The following C8orf74 variants were observed in gnomAD, a reference collection of about 807,000 sequenced individuals.
C8orf74 encodes the protein chromosome 8 open reading frame 74.
A neutral mutation model predicts 22.2 loss-of-function variants in C8orf74; 29 were observed. The observed-to-expected ratio is 1.31, with a 90% CI of 0.97 to 1.78. The LOEUF is 1.78. C8orf74 is among the 40% of genes most tolerant of loss of function. C8orf74 has a pLI of 0.00. For missense variants in C8orf74, 515 were observed against 369.9 expected (o/e 1.39, Z -3.22); for synonymous variants, 255 against 163.1 (o/e 1.56, Z -4.30).
intron 2 of C8orf74, among the ~76,000 whole-genome samples, chr8:10,681,810 G>A (rs889445816): frequency 1.3e-5 from 2 of 152,212 alleles, no homozygotes; most frequent in African/African-American, 2.4e-5. Flanking sequence ...ACTTGTGACC[G>A]GTCAGTGGAG....
Position 10,697,628 on chromosome 8 carries a change from C to G in C8orf74, c.271C>G (p.Leu91Val). 1 of 1,613,970 alleles carries G rather than the reference C, an allele frequency of 6.2e-7. No individual in the cohort carries two copies. Among genetic ancestry groups the G allele is most frequent in the African/African-American group, 1.3e-5 (1 of 75,038 alleles). Residue 91 changes from leucine (L) to valine (V), a missense_variant, in exon 3 of 4, where the codon CTG (leucine) becomes GTG (valine). Transcript: ENST00000304519. Reference sequence around the variant, plus strand: ...CTCCATTACTGAGGCTGTGACGATCCTGGGGAACAAGCTTAGAGATTACCG... The same window carrying G: ...CTCCATTACTGAGGCTGTGACGATCGTGGGGAACAAGCTTAGAGATTACCG... ...GCSITEAVTILGNKLRDYRGH... is the reference protein window; with the variant it reads ...GCSITEAVTIVGNKLRDYRGH...
intron 2 of C8orf74, among the ~76,000 whole-genome samples, chr8:10,677,202 C>G (rs886779968): frequency 6.6e-6 from 1 of 152,116 alleles, no homozygotes; most frequent in Non-Finnish European, 1.5e-5. Flanking sequence ...CTTACATGAC[C>G]ACACTCATCA....
At chr8:10,677,844 A>T (rs1342096379) in intron 2 of C8orf74, among the ~76,000 whole-genome samples, 1 of 152,186 alleles carries the variant, frequency 6.6e-6, no homozygotes, top group African/African-American at 2.4e-5. Context: ...GATTGGCATC[A>T]GGCTGGCAGT....
chr8:10,674,738 C>G lies in C8orf74; in HGVS notation c.141C>G (p.Thr47=). The G allele has an allele frequency of 6.2e-7, 1 of 1,607,446 alleles. No homozygotes were observed. Residue 47 remains threonine (T), a synonymous_variant, in exon 2 of 4, where the codon ACC becomes ACG. Coordinates refer to ENST00000304519, the MANE Select transcript of C8orf74 (RefSeq NM_001040032.2). ...CCCGGAGGAGCATCCTGCTGGACAC[C>G]CTCTACGAGAGCATCATCTTTGCAG... is the stretch of plus-strand genomic sequence containing the variant. ...RDSRRSILLD[T]LYESIIFAVG... is the part of the protein sequence containing the mutation.
intron 2 of C8orf74, among the ~76,000 whole-genome samples, chr8:10,694,769 A>G (rs1047823786): frequency 3.9e-5 from 6 of 152,240 alleles, no homozygotes; most frequent in Non-Finnish European, 7.3e-5. Context: ...AATGAATGGA[A>G]GGATGGGTGA....
intron 2 of C8orf74, among the ~76,000 whole-genome samples, chr8:10,690,535 T>G (rs182693749): frequency 1.3e-3 from 192 of 152,254 alleles, no homozygotes; most frequent in African/African-American, 4.3e-3. Flanking sequence ...AGGTGAGCAG[T>G]GCCACGCTGT....
At chr8:10,679,046 G>C (rs1196944284) in intron 2 of C8orf74, among the ~76,000 whole-genome samples, 1 of 152,206 alleles carries the variant, frequency 6.6e-6, no homozygotes, top group Non-Finnish European at 1.5e-5. Context: ...TCCAGGCCCA[G>C]GCTGAGCCCT....
Position 10,697,945 on chromosome 8 carries a change from G to A in C8orf74, c.588G>A (p.Ser196=), listed in dbSNP as rs1441537075. 1.3e-6 allele frequency: 2 copies of A among 1,568,376 alleles called. No homozygotes were observed. Among genetic ancestry groups the A allele is most frequent in the Non-Finnish European group, 1.7e-6 (2 of 1,158,612 alleles). ...CGCTGCGCCTGGAGCGGGAGAACTCGCTGCAGAAGGCGTTCGCTGCCGCCG... is the reference window on the plus strand; with the variant it reads ...CGCTGCGCCTGGAGCGGGAGAACTCACTGCAGAAGGCGTTCGCTGCCGCCG... The part of the protein sequence containing the change: ...KEALRLEREN[S]LQKAFAAAAP... Residue 196 remains serine (S), a synonymous_variant, in exon 3 of 4, where the codon TCG becomes TCA. Coordinates refer to ENST00000304519, the MANE Select transcript of C8orf74 (RefSeq NM_001040032.2).
At chr8:10,676,546 C>A (rs950806485) in intron 2 of C8orf74, among the ~76,000 whole-genome samples, 1 of 152,244 alleles carries the variant, frequency 6.6e-6, no homozygotes, top group Non-Finnish European at 1.5e-5. Context: ...CAGCCTTAGG[C>A]ACACCTGGGT....
At chr8:10,690,733 G>C (rs913603640) in intron 2 of C8orf74, 2 of 378,350 alleles carry the variant, frequency 5.3e-6, no homozygotes, top group African/African-American at 4.2e-5. Context: ...GCCCAAGGAA[G>C]CCACCGGAGC....
At chr8:10,686,880 C>A (rs889130823) in intron 2 of C8orf74, among the ~76,000 whole-genome samples, 1 of 152,186 alleles carries the variant, frequency 6.6e-6, no homozygotes, top group Non-Finnish European at 1.5e-5. Flanking sequence ...CAGCCCACTC[C>A]CAGCTGTCCT....
chr8:10,700,217 C>A lies in C8orf74; in HGVS notation c.649-18C>A, dbSNP rs370382914. 16 of 1,556,350 alleles carry A rather than the reference C, an allele frequency of 1.0e-5. No homozygotes were observed. The highest frequency in any genetic ancestry group is 1.4e-5 in the African/African-American group (1 of 72,770). ...AGGCTCCCCAGCCCTGCTCATCGGCCTTCCCCTTTCCTTCCAGGAGTTGGA... is the reference window on the plus strand; with the variant it reads ...AGGCTCCCCAGCCCTGCTCATCGGCATTCCCCTTTCCTTCCAGGAGTTGGA... On this transcript the variant is annotated intron_variant, in intron 3 of 3. Coordinates refer to ENST00000304519, the MANE Select transcript of C8orf74 (RefSeq NM_001040032.2).
Position 10,674,635 on chromosome 8 carries a change from A to G in C8orf74, c.49-11A>G. On this transcript the variant is annotated splice_polypyrimidine_tract_variant and intron_variant, in intron 1 of 3. Transcript: ENST00000304519. ...CATCATACCCTGCAGTTCCCATGTC[A>G]TTCCCTGCAGAGACCACAAGGTCGG... 6.3e-7 allele frequency: 1 copy of G among 1,596,290 alleles called. No individual in the cohort carries two copies. The highest frequency in any genetic ancestry group is 8.5e-7 in the Non-Finnish European group (1 of 1,171,960).
At chr8:10,682,707 G>A (rs550975858) in intron 2 of C8orf74, among the ~76,000 whole-genome samples, 25 of 152,340 alleles carry the variant, frequency 1.6e-4, no homozygotes, top group Admixed American at 2.6e-4. Flanking sequence ...AAACTAGGGT[G>A]TGAGCAGTAC....
intron 2 of C8orf74, among the ~76,000 whole-genome samples, chr8:10,696,441 C>CTTTTTTTTTTTTTTTTTTTTT (rs546082377): frequency 2.0e-4 from 20 of 102,436 alleles, no homozygotes; most frequent in East Asian, 2.7e-4. Flanking sequence ...CTTTTCTTTT[C>CTTTTTTTTTTTTTTTTTTTTT]TTTTTTTTTT....
Position 10,697,727 on chromosome 8 carries a change from CT to C in C8orf74, c.371del (p.Leu124ProfsTer14). The C allele has an allele frequency of 6.2e-7, 1 of 1,614,070 alleles. No homozygotes were observed. The highest frequency in any genetic ancestry group is 8.5e-7 in the Non-Finnish European group (1 of 1,179,896). On this transcript the variant is annotated frameshift_variant, in exon 3 of 4. Coordinates refer to ENST00000304519, the MANE Select transcript of C8orf74 (RefSeq NM_001040032.2). LOFTEE classifies it high-confidence loss of function. ...CCACACCTTCATCCGCCACTACAAA[CT>C]CTACCAGTATGTCCTGGGCCAGGAC... ...FHHTFIRHYK[L>X]YQYVLGQDQQ...
Position 10,700,367 on chromosome 8 carries a change from G to GCCCCCCCCCCCCAACCCCCCC in C8orf74, c.786_787insCCCCCCCAACCCCCCCCCCCC (p.Pro262_Thr263insProProGlnProProProPro). 1 of 1,590,932 alleles carries GCCCCCCCCCCCCAACCCCCCC rather than the reference G, an allele frequency of 6.3e-7. No homozygotes were observed. The highest frequency in any genetic ancestry group is 8.6e-7 in the Non-Finnish European group (1 of 1,159,764). ...TCAGAAGAAGACTCTGAACCTCAAC[G>GCCCCCCCCCCCCAACCCCCCC]CCCCCACCCCTATCCCGCCCCCCAT... On this transcript the variant is annotated inframe_insertion, in exon 4 of 4. Coordinates refer to ENST00000304519, the MANE Select transcript of C8orf74 (RefSeq NM_001040032.2).
intron 2 of C8orf74, among the ~76,000 whole-genome samples, chr8:10,696,448 T>C (rs1022382038): frequency 1.1e-3 from 143 of 125,738 alleles, no homozygotes; most frequent in African/African-American, 5.7e-3. Context: ...TTTCTTTTTT[T>C]TTTTTTTTTT....
chr8:10,699,409 C>T (rs1046700658), intron 3 of C8orf74, among the ~76,000 whole-genome samples: 1 of 152,248 alleles, frequency 6.6e-6, no homozygotes, highest in African/African-American at 2.4e-5. Context: ...AGAGGATATT[C>T]TGGGGCAAAT....
Sources: allele counts gnomAD v4.1 joint callset (sites outside exome capture counted in the v4.1 genomes callset), GRCh38; gene constraint gnomAD v4.1.1; transcripts MANE v1.5; gene names NCBI Gene and HGNC (gene_info 2026-07-23, HGNC 2026-07-21).